The following DHX32 variants were observed in gnomAD, a reference collection of about 807,000 sequenced individuals.
DHX32 encodes DEAH-box helicase 32 (putative), also known as putative pre-mRNA-splicing factor ATP-dependent RNA helicase DHX32.
Under a neutral mutation model 70.0 loss-of-function variants are expected in DHX32, and 51 were observed. That is an observed-to-expected ratio of 0.73 (90% CI 0.58 to 0.92). The LOEUF (loss-of-function observed/expected upper bound fraction) is 0.92. Among genes scored for constraint, DHX32 ranks in the 40% least tolerant of loss-of-function variants. The probability of loss-of-function intolerance (pLI) is 0.00; values close to 1 mark genes in which losing one functional copy is unlikely to be tolerated. For missense variants in DHX32, 762 were observed against 891.8 expected (o/e 0.85, Z 1.85); for synonymous variants, 310 against 315.3 (o/e 0.98, Z 0.18).
intron 1 of DHX32, among the ~76,000 whole-genome samples, chr10:125,873,927 T>C (rs1174670087): frequency 6.6e-6 from 1 of 152,188 alleles, no homozygotes; most frequent in Non-Finnish European, 1.5e-5. Flanking sequence ...AGTTAATTCT[T>C]TTTCATATCT....
At chr10:125,853,872 C>A (rs1329530174) in intron 4 of DHX32, 89 bp downstream of exon 4, 1 of 1,484,266 alleles carries the variant, frequency 6.7e-7, no homozygotes, top group Non-Finnish European at 9.0e-7. Context: ...AGTTCATCCT[C>A]ACTTCCTGAT....
intron 1 of DHX32, among the ~76,000 whole-genome samples, chr10:125,874,199 T>A (rs1295331325): frequency 6.6e-6 from 1 of 152,206 alleles, no homozygotes; most frequent in Non-Finnish European, 1.5e-5. Flanking sequence ...ACTTTTTTCT[T>A]GAAAGGTTTA....
At chr10:125,871,260 C>T (rs140485518) in intron 1 of DHX32, among the ~76,000 whole-genome samples, 4 of 152,324 alleles carry the variant, frequency 2.6e-5, no homozygotes, top group Non-Finnish European at 4.4e-5. Flanking sequence ...TTTCTGCCTT[C>T]CTCTACATTA....
At chr10:125,864,694 C>T (rs986360638) in intron 2 of DHX32, among the ~76,000 whole-genome samples, 3 of 151,842 alleles carry the variant, frequency 2.0e-5, no homozygotes, top group African/African-American at 7.3e-5. Flanking sequence ...TTTCAAAGGC[C>T]GAGGCCAGCA....
intron 6 of DHX32, among the ~76,000 whole-genome samples, chr10:125,851,189 T>C (rs937880748): frequency 1.3e-5 from 2 of 152,262 alleles, no homozygotes; most frequent in Non-Finnish European, 2.9e-5. Flanking sequence ...TTGAATTAAA[T>C]GCAGCAGCTG....
chr10:125,838,292 C>T lies in DHX32; in HGVS notation c.1977G>A (p.Lys659=). ...GGAAGAGGACCCACTCTGGCATCTT[C>T]TTGGTGATTGAGTAACCAGACAGGG... ...LHPLSGYSIT[K]KMPEWVLFHK... Residue 659 remains lysine (K), a synonymous_variant, in exon 10 of 11, where the codon AAG becomes AAA. Transcript: ENST00000284690. 2 of 1,613,984 alleles carry T rather than the reference C, an allele frequency of 1.2e-6. No homozygotes were observed. Among genetic ancestry groups the T allele is most frequent in the Non-Finnish European group, 1.7e-6 (2 of 1,179,992 alleles).
chr10:125,851,910 G>T (rs1369355810), intron 6 of DHX32, among the ~76,000 whole-genome samples: 2 of 109,356 alleles, frequency 1.8e-5, no homozygotes, highest in African/African-American at 3.7e-5. Context: ...AACAGAGCAA[G>T]ACCCTGTCTC....
At chr10:125,862,874 A>C (rs886348691) in intron 2 of DHX32, among the ~76,000 whole-genome samples, 2 of 152,164 alleles carry the variant, frequency 1.3e-5, no homozygotes, top group African/African-American at 2.4e-5. Context: ...GCAAAAAAAA[A>C]AACTACTTTT....
chr10:125,838,189 T>C lies in DHX32; in HGVS notation c.2063+17A>G, dbSNP rs767755416. 2.1e-5 allele frequency: 33 copies of C among 1,556,274 alleles called. No homozygotes were observed. The highest frequency in any genetic ancestry group is 4.3e-6 in the Non-Finnish European group (5 of 1,158,804). On this transcript the variant is annotated intron_variant, in intron 10 of 10. Transcript: ENST00000284690. ...ATTAAAAAAAAAATACAACCCTTTCTTCTCCATTAAACTTACAGTTCAGGA... is the reference window on the plus strand; with the variant it reads ...ATTAAAAAAAAAATACAACCCTTTCCTCTCCATTAAACTTACAGTTCAGGA...
rs768381279 is a variant in DHX32 at position 125,841,785 on chromosome 10, C to G, written c.1501G>C (p.Asp501His). Residue 501 changes from aspartate to histidine, a missense_variant, in exon 7 of 11, where the codon GAC becomes CAC. Transcript: ENST00000284690. ...SKSILASCEF[D>H]CVDEVLTIAA... Reference sequence around the variant, plus strand: ...ATTGTTAGCACTTCATCTACACAGTCAAATTCACAGGACGCTAAGATAGAC... The same window carrying G: ...ATTGTTAGCACTTCATCTACACAGTGAAATTCACAGGACGCTAAGATAGAC... The G allele has an allele frequency of 1.2e-6, 2 of 1,613,234 alleles. No homozygotes were observed. The highest frequency in any genetic ancestry group is 2.2e-5 in the South Asian group (2 of 90,604).
chr10:125,836,690 C>T lies in DHX32; in HGVS notation c.2229G>A (p.Gln743=), dbSNP rs1335998654. 1.4e-5 allele frequency: 22 copies of T among 1,613,790 alleles called. No individual in the cohort carries two copies. Among genetic ancestry groups the T allele is most frequent in the Non-Finnish European group, 1.9e-5 (22 of 1,179,872 alleles). Residue 743 remains glutamine, a synonymous_variant, in exon 11 of 11, where the codon CAG becomes CAA. Coordinates refer to ENST00000284690, the MANE Select transcript of DHX32 (RefSeq NM_018180.3). ...CPETEQRCTL[Q] is the part of the protein sequence containing the mutation. ...GCACCTTGTGTTTGCTGGGGAGTCA[C>T]TGGAGAGTGCATCTCTGTTCAGTTT...
chr10:125,869,130 C>A (rs181074439), intron 1 of DHX32, among the ~76,000 whole-genome samples: 2 of 152,282 alleles, frequency 1.3e-5, no homozygotes, highest in East Asian at 3.9e-4. Context: ...AATTTTGCCT[C>A]CTTTATTCCT....
At chr10:125,859,033 GTTTGTTTGTTTGTT>G (rs1195124207) in intron 3 of DHX32, among the ~76,000 whole-genome samples, 3 of 138,272 alleles carry the variant, frequency 2.2e-5, no homozygotes, top group African/African-American at 2.9e-5. Flanking sequence ...TTTTTTTTTT[GTTTGTTTGTTTGTT>G]TTTTTTTTTT....
Position 125,853,651 on chromosome 10 carries a change from C to T in DHX32, c.1092+310G>A, listed in dbSNP as rs1944119964. Reference sequence around the variant, plus strand: ...AGTCAAACAATTTGCTTTGCTAGTACCTTAGCTAAAGAAAAAATACTATTA... The same window carrying T: ...AGTCAAACAATTTGCTTTGCTAGTATCTTAGCTAAAGAAAAAATACTATTA... On this transcript the variant is annotated intron_variant, in intron 4 of 10. Transcript: ENST00000284690. 1.1e-5 allele frequency: 3 copies of T among 277,240 alleles called. No homozygotes were observed. The South Asian group carries it at 2.4e-4, about 22-fold the overall frequency. 17.2% of individuals were successfully genotyped at this position (277,240 alleles called of 1,614,324 possible).
At chr10:125,858,966 T>G (rs998706928) in intron 3 of DHX32, among the ~76,000 whole-genome samples, 2 of 151,906 alleles carry the variant, frequency 1.3e-5, no homozygotes, top group African/African-American at 4.8e-5. Context: ...GATGCTTGAT[T>G]GCACATTTCC....
At chr10:125,841,250 GGCAGGA>G in intron 7 of DHX32, 1 of 1,612,324 alleles carries the variant, frequency 6.2e-7, no homozygotes, top group African/African-American at 1.3e-5. Flanking sequence ...CTTCTATTCC[GGCAGGA>G]GCAGGGAAAA....
intron 6 of DHX32, among the ~76,000 whole-genome samples, chr10:125,846,032 A>T (rs1944013701): frequency 6.6e-6 from 1 of 152,210 alleles, no homozygotes; most frequent in African/African-American, 2.4e-5. Flanking sequence ...AAGGAAGCTG[A>T]ATTTGTCTCC....
intron 1 of DHX32, among the ~76,000 whole-genome samples, chr10:125,870,542 T>G (rs1248433148): frequency 6.6e-6 from 1 of 152,078 alleles, no homozygotes; most frequent in African/African-American, 2.4e-5. Flanking sequence ...CATTTTAAAT[T>G]ACTCTTTCTA....
At chr10:125,875,369 C>T (rs947569947) in intron 1 of DHX32, among the ~76,000 whole-genome samples, 10 of 152,008 alleles carry the variant, frequency 6.6e-5, no homozygotes, top group Admixed American at 4.6e-4. Context: ...ACTAGATGAA[C>T]CTGGAACATC....
Sources: gnomAD v4.1 joint callset for allele counts (sites outside exome capture counted in the v4.1 genomes callset) on GRCh38, gnomAD v4.1.1 for gene constraint, MANE v1.5 for transcripts, NCBI Gene and HGNC (gene_info 2026-07-23, HGNC 2026-07-21) for gene names.